LDB2: variants seen among roughly 807,000 people sequenced by gnomAD.
The protein encoded by LDB2 is LIM domain binding 2, also known as LIM domain-binding protein 2.
Under a neutral mutation model 44.3 loss-of-function variants are expected in LDB2, and 12 were observed. That is an observed-to-expected ratio of 0.27 (90% CI 0.17 to 0.44). The LOEUF (loss-of-function observed/expected upper bound fraction) is 0.44. Among genes scored for constraint, LDB2 ranks in the 20% least tolerant of loss-of-function variants. LDB2 has a pLI of 1.00. For synonymous variants in LDB2, 164 were observed against 174.8 expected, an observed-to-expected ratio of 0.94 and a Z score of 0.49; for missense variants, 344 against 473.5, an observed-to-expected ratio of 0.73 and a Z score of 2.54.
intron 2 of LDB2, among the ~76,000 whole-genome samples, chr4:16,744,158 T>C (rs909328797): frequency 1.3e-5 from 2 of 152,144 alleles, no homozygotes; most frequent in African/African-American, 2.4e-5. Context: ...TTTGTTTGTT[T>C]GTTTGTTTGT....
intron 2 of LDB2, among the ~76,000 whole-genome samples, chr4:16,624,308 GC>G (rs1729699579): frequency 6.6e-6 from 1 of 152,030 alleles, no homozygotes; most frequent in Non-Finnish European, 1.5e-5. Flanking sequence ...TGTTGCCCAG[GC>G]TAGTCTCGAA....
At chr4:16,852,253 A>AT (rs1391560418) in intron 1 of LDB2, among the ~76,000 whole-genome samples, 1 of 152,242 alleles carries the variant, frequency 6.6e-6, no homozygotes, top group Non-Finnish European at 1.5e-5. Context: ...ACATTAGAGC[A>AT]TTAAAACTAA....
At chr4:16,581,707 C>T (rs993598410) in intron 5 of LDB2, among the ~76,000 whole-genome samples, 10 of 152,056 alleles carry the variant, frequency 6.6e-5, no homozygotes, top group African/African-American at 1.9e-4. Context: ...TTTGCAGCCT[C>T]CTTCTCCTGT....
At chr4:16,616,059 C>A (rs1727214579) in intron 2 of LDB2, among the ~76,000 whole-genome samples, 1 of 152,180 alleles carries the variant, frequency 6.6e-6, no homozygotes, top group Admixed American at 6.5e-5. Flanking sequence ...GAACTCTACC[C>A]CCTTACCCTA....
chr4:16,714,881 T>A (rs1756736827), intron 2 of LDB2, among the ~76,000 whole-genome samples: 1 of 152,096 alleles, frequency 6.6e-6, no homozygotes, highest in Non-Finnish European at 1.5e-5. Context: ...CTTTCTCTTC[T>A]GGGGACATCG....
intron 2 of LDB2, among the ~76,000 whole-genome samples, chr4:16,752,839 G>A (rs546976491): frequency 1.6e-4 from 25 of 151,972 alleles, no homozygotes; most frequent in African/African-American, 4.8e-4. Flanking sequence ...ATGAATCTGC[G>A]TGGATCCAAA....
chr4:16,803,265 T>C (rs1282160253), intron 1 of LDB2, among the ~76,000 whole-genome samples: 1 of 152,150 alleles, frequency 6.6e-6, no homozygotes. Flanking sequence ...CTATATCAAG[T>C]CATTGACTCA....
chr4:16,648,235 C>G (rs1737310270), intron 2 of LDB2, among the ~76,000 whole-genome samples: 1 of 152,168 alleles, frequency 6.6e-6, no homozygotes, highest in Admixed American at 6.5e-5. Flanking sequence ...TGCTGGGCTA[C>G]CTACAACTTT....
chr4:16,704,309 T>C, intron 2 of LDB2, among the ~76,000 whole-genome samples: 1 of 152,350 alleles, frequency 6.6e-6, no homozygotes, highest in Admixed American at 6.5e-5. Context: ...AGGGTTATTT[T>C]ATTTCTCTTG....
chr4:16,737,933 A>G (rs749033363), intron 2 of LDB2, among the ~76,000 whole-genome samples: 71 of 152,326 alleles, frequency 4.7e-4, no homozygotes, highest in Non-Finnish European at 8.7e-4. Flanking sequence ...GGGACTTTAG[A>G]ATAAGGACTT....
At chr4:16,513,723 C>G (rs1295862531) in intron 5 of LDB2, among the ~76,000 whole-genome samples, 2 of 152,052 alleles carry the variant, frequency 1.3e-5, no homozygotes, top group African/African-American at 4.8e-5. Flanking sequence ...GAAAATGATA[C>G]CCCCAAGTGA....
intron 2 of LDB2, among the ~76,000 whole-genome samples, chr4:16,729,402 G>A (rs565542230): frequency 2.6e-5 from 4 of 152,138 alleles, no homozygotes; most frequent in South Asian, 2.1e-4. Context: ...AAATTCAGTC[G>A]GAAATTCACA....
intron 2 of LDB2, among the ~76,000 whole-genome samples, chr4:16,707,413 T>C (rs139635116): frequency 1.3e-5 from 2 of 152,264 alleles, no homozygotes; most frequent in Non-Finnish European, 2.9e-5. Context: ...CAAATGGACA[T>C]GGGAGTAATG....
At chr4:16,508,193 C>T (rs923434319) in intron 7 of LDB2, among the ~76,000 whole-genome samples, 1 of 152,298 alleles carries the variant, frequency 6.6e-6, no homozygotes, top group Non-Finnish European at 1.5e-5. Context: ...AATGATGGTG[C>T]TGAGAGGCCT....
At chr4:16,726,595 A>C (rs1198868316) in intron 2 of LDB2, 1 of 152,232 alleles carries the variant, frequency 6.6e-6, no homozygotes, top group Non-Finnish European at 1.5e-5. Context: ...GAAAACGTTC[A>C]TGTGCGTTAA....
chr4:16,649,723 G>A (rs939403450), intron 2 of LDB2, among the ~76,000 whole-genome samples: 10 of 152,120 alleles, frequency 6.6e-5, no homozygotes, highest in African/African-American at 2.4e-4. Context: ...AGAATGGCCT[G>A]GCAAATAGAA....
intron 5 of LDB2, among the ~76,000 whole-genome samples, chr4:16,514,292 G>T (rs76790722): frequency 6.6e-6 from 1 of 152,282 alleles, no homozygotes; most frequent in East Asian, 1.9e-4. Flanking sequence ...TTATAGGAGT[G>T]ACCCTTATAA....
chr4:16,511,578 C>A (rs1240375353), intron 6 of LDB2, among the ~76,000 whole-genome samples: 2 of 150,768 alleles, frequency 1.3e-5, no homozygotes, highest in African/African-American at 4.9e-5. Flanking sequence ...TTCTTCCTTC[C>A]TTTTCATAAT....
At chr4:16,860,020 A>G (rs917676886) in intron 1 of LDB2, among the ~76,000 whole-genome samples, 1 of 152,214 alleles carries the variant, frequency 6.6e-6, no homozygotes, top group African/African-American at 2.4e-5. Context: ...GATAGAATTC[A>G]AAGACCCAAA....
Sources: gnomAD v4.1 joint callset for allele counts (sites outside exome capture counted in the v4.1 genomes callset) on GRCh38, gnomAD v4.1.1 for gene constraint, MANE v1.5 for transcripts, NCBI Gene and HGNC (gene_info 2026-07-23, HGNC 2026-07-21) for gene names.